CARNMT1: variants seen among roughly 807,000 people sequenced by gnomAD.
CARNMT1 encodes the protein carnosine N-methyltransferase 1.
Under a neutral mutation model 49.6 loss-of-function variants are expected in CARNMT1, and 28 were observed. The observed-to-expected ratio is 0.56, with a 90% CI of 0.42 to 0.77. The LOEUF (loss-of-function observed/expected upper bound fraction) is 0.77, where lower values mean the gene tolerates loss of function less well. CARNMT1 is among the 30% of genes least tolerant of loss of function. The probability of loss-of-function intolerance (pLI) is 0.00; values close to 1 mark genes in which losing one functional copy is unlikely to be tolerated. For synonymous variants in CARNMT1, 178 were observed against 175.0 expected (o/e 1.02, Z -0.13); for missense variants, 421 against 512.6 (o/e 0.82, Z 1.73).
chr9:74,995,783 ATC>A (rs1239374717), intron 6 of CARNMT1, among the ~76,000 whole-genome samples: 1 of 152,154 alleles, frequency 6.6e-6, no homozygotes, highest in African/African-American at 2.4e-5. Context: ...CAGATTATAT[ATC>A]TCACGAAAGA....
chr9:75,016,037 C>A, intron 3 of CARNMT1: 3 of 378,760 alleles, frequency 7.9e-6, no homozygotes, highest in South Asian at 5.7e-5. Flanking sequence ...TCGACCTAAC[C>A]TTATTATTTA....
At chr9:75,011,109 C>T (rs545544851) in intron 3 of CARNMT1, among the ~76,000 whole-genome samples, 2 of 151,892 alleles carry the variant, frequency 1.3e-5, no homozygotes, top group African/African-American at 2.4e-5. Flanking sequence ...ACTATGCCAA[C>T]ATATAATTTC....
intron 1 of CARNMT1, among the ~76,000 whole-genome samples, chr9:75,018,168 C>A (rs781082334): frequency 1.3e-5 from 2 of 151,966 alleles, no homozygotes; most frequent in Non-Finnish European, 2.9e-5. Context: ...TTCAAGCCAT[C>A]CTCCCACCTC....
Position 74,983,737 on chromosome 9 carries a change from C to CT in CARNMT1, c.*29dup. The CT allele has an allele frequency of 7.1e-7, 1 of 1,405,298 alleles. No individual in the cohort carries two copies. Among genetic ancestry groups the CT allele is most frequent in the East Asian group, 2.3e-5 (1 of 42,694 alleles). The allele number at this position is 1,405,298 out of a possible 1,614,324, so 87.1% of individuals were successfully genotyped here. A position where few individuals can be genotyped will look rare whatever the true frequency, so the allele number is the denominator to read the frequency against. On this transcript the variant is annotated 3_prime_UTR_variant, in exon 8 of 8. Transcript: ENST00000376834. ...GATTTCAGCATTTGTTCTTACTAAA[C>CT]TTTTTTCCAGGTGGTATCACTTGAG...
chr9:74,999,372 T>C (rs1472155034), intron 4 of CARNMT1, among the ~76,000 whole-genome samples: 1 of 152,184 alleles, frequency 6.6e-6, no homozygotes, highest in Non-Finnish European at 1.5e-5. Flanking sequence ...ATTGCTAAAC[T>C]AAACTCTTAT....
chr9:75,016,041 T>A (rs1833837474), intron 3 of CARNMT1: 2 of 389,780 alleles, frequency 5.1e-6, no homozygotes, highest in South Asian at 1.1e-4. Context: ...CCTAACCTTA[T>A]TATTTAATTT....
chr9:75,015,232 T>C (rs1025391551), intron 3 of CARNMT1, among the ~76,000 whole-genome samples: 22 of 152,236 alleles, frequency 1.4e-4, no homozygotes, highest in Admixed American at 2.6e-4. Context: ...ACAATAGTTT[T>C]AGCAATACCT....
At chr9:74,992,480 T>C (rs1833056091) in intron 6 of CARNMT1, among the ~76,000 whole-genome samples, 1 of 152,156 alleles carries the variant, frequency 6.6e-6, no homozygotes, top group Non-Finnish European at 1.5e-5. Context: ...CCCAAATTTA[T>C]CAGTGGATAC....
At chr9:74,996,863 C>T (rs1307888008) in intron 5 of CARNMT1, among the ~76,000 whole-genome samples, 1 of 152,186 alleles carries the variant, frequency 6.6e-6, no homozygotes, top group African/African-American at 2.4e-5. Flanking sequence ...ATCCTCTATT[C>T]AACTTCTAGC....
rs776119268 is a variant in CARNMT1 at position 75,027,996 on chromosome 9, G to A, written c.230+16C>T. ...GCCCCGACGGTCTGGGCCGGGGTCCGCCACGGGCTCCTTACCCGTAGTAGC... is the reference window on the plus strand; with the variant it reads ...GCCCCGACGGTCTGGGCCGGGGTCCACCACGGGCTCCTTACCCGTAGTAGC... On this transcript the variant is annotated intron_variant, in intron 1 of 7. Transcript: ENST00000376834. 5 of 1,553,066 alleles carry A rather than the reference G, an allele frequency of 3.2e-6. No homozygotes were observed. The highest frequency in any genetic ancestry group is 5.4e-5 in the East Asian group (2 of 37,212).
chr9:75,024,482 T>C (rs753084236), intron 1 of CARNMT1, among the ~76,000 whole-genome samples: 1 of 152,222 alleles, frequency 6.6e-6, no homozygotes, highest in Non-Finnish European at 1.5e-5. Context: ...GAAAAGACTT[T>C]CAGCTTTTCA....
intron 6 of CARNMT1, among the ~76,000 whole-genome samples, chr9:74,990,538 C>T (rs1172239875): frequency 6.6e-6 from 1 of 152,194 alleles, no homozygotes; most frequent in Non-Finnish European, 1.5e-5. Flanking sequence ...TTTTTACATA[C>T]ACGCATATAC....
In CARNMT1 at chr9:74,981,062, T is replaced by C. The variant is rs1832679396; in HGVS notation, c.*2705A>G. 6.6e-6 allele frequency: 1 copy of C among 152,142 alleles called. No homozygotes were observed. Among genetic ancestry groups the C allele is most frequent in the African/African-American group, 2.4e-5 (1 of 41,450 alleles). The allele number at this position is 152,142 out of a possible 1,614,324, so 9.4% of individuals were successfully genotyped here. A position where few individuals can be genotyped will look rare whatever the true frequency, so the allele number is the denominator to read the frequency against. On this transcript the variant is annotated 3_prime_UTR_variant, in exon 8 of 8. Coordinates refer to ENST00000376834, the MANE Select transcript of CARNMT1 (RefSeq NM_152420.3). ...GACTTTAATATTCAAGAAAAATTAA[T>C]TTCATCATACACATTAAAAATATAG...
At chr9:74,992,270 TA>T (rs879699625) in intron 6 of CARNMT1, among the ~76,000 whole-genome samples, 279 of 138,056 alleles carry the variant, frequency 2.0e-3, no homozygotes, top group Non-Finnish European at 1.7e-3. Flanking sequence ...AGACTCCATC[TA>T]AAAAAAAAAA....
chr9:75,005,360 T>C (rs1833470456), intron 3 of CARNMT1, among the ~76,000 whole-genome samples: 1 of 152,182 alleles, frequency 6.6e-6, no homozygotes, highest in African/African-American at 2.4e-5. Context: ...TCAGGCATAT[T>C]AAAAACTTGA....
At chr9:75,002,187 C>G (rs984706463) in intron 3 of CARNMT1, among the ~76,000 whole-genome samples, 1 of 152,194 alleles carries the variant, frequency 6.6e-6, no homozygotes, top group Non-Finnish European at 1.5e-5. Context: ...ATCACACTTC[C>G]ATCAACCTTT....
chr9:74,992,608 CAT>C (rs1167681199), intron 6 of CARNMT1, among the ~76,000 whole-genome samples: 3 of 152,162 alleles, frequency 2.0e-5, no homozygotes, highest in Non-Finnish European at 4.4e-5. Context: ...TTGCCAAAAT[CAT>C]AGCCTTACCC....
chr9:75,026,463 T>C (rs997204246), intron 1 of CARNMT1, among the ~76,000 whole-genome samples: 1 of 152,226 alleles, frequency 6.6e-6, no homozygotes, highest in East Asian at 1.9e-4. Context: ...GACTTTTCTG[T>C]ATCTCCCACT....
chr9:75,018,963 T>C (rs1833928721), intron 1 of CARNMT1, among the ~76,000 whole-genome samples: 2 of 118,946 alleles, frequency 1.7e-5, no homozygotes, highest in African/African-American at 3.5e-5. Context: ...TGAGACTCCA[T>C]CTCATAAAAA....
Sources: allele counts gnomAD v4.1 joint callset (sites outside exome capture counted in the v4.1 genomes callset), GRCh38; gene constraint gnomAD v4.1.1; transcripts MANE v1.5; gene names NCBI Gene and HGNC (gene_info 2026-07-23, HGNC 2026-07-21).